The following TMEM209 variants were observed in gnomAD, a reference collection of about 807,000 sequenced individuals.
The protein encoded by TMEM209 is testicular tissue protein Li 202.
In TMEM209, 65 loss-of-function variants were observed where a neutral mutation model predicts 76.2. The observed-to-expected ratio is 0.85, with a 90% CI of 0.70 to 1.05. TMEM209 has a LOEUF of 1.05. TMEM209 is among the 50% of genes least tolerant of loss of function. The pLI is 0.00. For synonymous variants in TMEM209, 239 were observed against 237.6 expected, an observed-to-expected ratio of 1.01 and a Z score of -0.06; for missense variants, 623 against 685.5, an observed-to-expected ratio of 0.91 and a Z score of 1.02.
At chr7:130,173,310 C>T (rs1449339101) in intron 13 of TMEM209, among the ~76,000 whole-genome samples, 1 of 152,116 alleles carries the variant, frequency 6.6e-6, no homozygotes, top group Non-Finnish European at 1.5e-5. Context: ...CCACTACACT[C>T]CAGCCTGGGT....
intron 9 of TMEM209, among the ~76,000 whole-genome samples, chr7:130,179,008 A>G (rs1426963253): frequency 6.6e-6 from 1 of 151,996 alleles, no homozygotes; most frequent in Non-Finnish European, 1.5e-5. Context: ...GGCTGGTCTC[A>G]AACTCCTGGG....
At chr7:130,190,336 G>C (rs979480945) in intron 6 of TMEM209, among the ~76,000 whole-genome samples, 1 of 152,012 alleles carries the variant, frequency 6.6e-6, no homozygotes, top group Non-Finnish European at 1.5e-5. Context: ...TGGCCAACAA[G>C]GGGAAACCCT....
Position 130,200,754 on chromosome 7 carries a change from A to G in TMEM209, c.573+1096T>C, listed in dbSNP as rs10239529. ...TTTCTCATAAAAATTTAACTTGTAC[A>G]AAATTTTCAAAATTCTATTACCTGC... On this transcript the variant is annotated intron_variant, in intron 5 of 14. Transcript: ENST00000397622. Among the ~76,000 whole-genome samples, 529 of 152,318 alleles carry G rather than the reference A, an allele frequency of 3.5e-3. 7 individuals are homozygous for G. Among genetic ancestry groups the G allele is most frequent in the African/African-American group, 0.012 (510 of 41,572 alleles).
At chr7:130,204,149 A>C in intron 1 of TMEM209, 39 bp from the exon 2 acceptor site, 1 of 1,575,688 alleles carries the variant, frequency 6.3e-7, no homozygotes, top group African/African-American at 1.4e-5. Context: ...AACCAGAAGA[A>C]ACTATTGCTC....
Position 130,166,335 on chromosome 7 carries a change from C to T in TMEM209, c.*116G>A. On this transcript the variant is annotated 3_prime_UTR_variant, in exon 15 of 15. Coordinates refer to ENST00000397622, the MANE Select transcript of TMEM209 (RefSeq NM_032842.4). ...ACATTTTCTGTTAAATCTAAAGAGT[C>T]TGTAACATACACCCATGTGTATTTT... is the stretch of plus-strand genomic sequence containing the variant. The T allele has an allele frequency of 1.4e-6, 1 of 703,204 alleles. No homozygotes were observed. Among genetic ancestry groups the T allele is most frequent in the African/African-American group, 1.9e-5 (1 of 53,978 alleles). 43.6% of individuals were successfully genotyped at this position (703,204 alleles called of 1,614,324 possible).
chr7:130,166,398 C>T lies in TMEM209; in HGVS notation c.*53G>A, dbSNP rs781114246. ...TCAGTGGCTCAGAGATGTTTAGTTT[C>T]GACTTCTGGTTCAGTGAAATAGTCT... is the stretch of plus-strand genomic sequence containing the variant. On this transcript the variant is annotated 3_prime_UTR_variant, in exon 15 of 15. Coordinates refer to ENST00000397622, the MANE Select transcript of TMEM209 (RefSeq NM_032842.4). 142 of 1,454,302 alleles carry T rather than the reference C, an allele frequency of 9.8e-5. No individual in the cohort carries two copies. The highest frequency in any genetic ancestry group is 1.2e-4 in the Non-Finnish European group (130 of 1,077,434). 90.1% of individuals were successfully genotyped at this position (1,454,302 alleles called of 1,614,324 possible).
chr7:130,186,564 A>G (rs1797604214), intron 6 of TMEM209, among the ~76,000 whole-genome samples: 2 of 152,250 alleles, frequency 1.3e-5, no homozygotes, highest in Admixed American at 1.3e-4. Context: ...CAGAGCATAA[A>G]GTTATCCTAT....
chr7:130,180,987 G>T (rs986591669), intron 9 of TMEM209, among the ~76,000 whole-genome samples: 3 of 152,078 alleles, frequency 2.0e-5, no homozygotes, highest in African/African-American at 7.2e-5. Context: ...GAAAACATAG[G>T]TCCAATATAA....
chr7:130,185,327 GA>G lies in TMEM209; in HGVS notation c.815del (p.Phe272SerfsTer15). On this transcript the variant is annotated frameshift_variant, in exon 7 of 15. Transcript: ENST00000397622. LOFTEE classifies it high-confidence loss of function. Reference protein sequence around the residue: ...DSTSPSSSPTFWNYSRSMGDY... With the variant: ...DSTSPSSSPTXWNYSRSMGDY... ...CCCCCATAGAACGACTATAGTTCCA[GA>G]AAGTAGGACTGCTGGAAGGAGAGGT... is the stretch of plus-strand genomic sequence containing the variant. The G allele has an allele frequency of 6.2e-7, 1 of 1,613,932 alleles. No homozygotes were observed.
In TMEM209 at chr7:130,204,032, C is replaced by G. The variant is rs1798324257; in HGVS notation, c.82G>C (p.Val28Leu). The G allele has an allele frequency of 6.2e-7, 1 of 1,613,470 alleles. No individual in the cohort carries two copies. The highest frequency in any genetic ancestry group is 8.5e-7 in the Non-Finnish European group (1 of 1,179,722). The change falls in exon 2 of 15, where the codon GTG becomes CTG. Residue 28 changes from valine to leucine, a missense_variant. Physicochemically the swap from Val to Leu is conservative, Grantham distance 32 (BLOSUM62 1). Transcript: ENST00000397622. ...TTTAGGAGTCCCCAGGCTAAGACCA[C>G]TTTCCTAGCCTCTGTTTCTTTTCTC... ...KMRKETEARK[V>L]VLAWGLLNVS...
intron 1 of TMEM209, among the ~76,000 whole-genome samples, chr7:130,204,466 C>G (rs895458428): frequency 6.6e-6 from 1 of 152,126 alleles, no homozygotes; most frequent in Non-Finnish European, 1.5e-5. Flanking sequence ...CTCAGACTCC[C>G]GAGTAGCTGG....
At chr7:130,182,224 G>A (rs1468863698) in intron 8 of TMEM209, among the ~76,000 whole-genome samples, 1 of 151,980 alleles carries the variant, frequency 6.6e-6, no homozygotes, top group African/African-American at 2.4e-5. Flanking sequence ...TTACAGGCGT[G>A]AGCCACTGCG....
intron 6 of TMEM209, among the ~76,000 whole-genome samples, chr7:130,186,263 A>G (rs964607175): frequency 4.6e-5 from 7 of 152,222 alleles, no homozygotes; most frequent in African/African-American, 1.7e-4. Flanking sequence ...TGACTAGAAA[A>G]TAATAAAACT....
In TMEM209 at chr7:130,173,901, T is replaced by C; in HGVS notation, c.1383A>G (p.Arg461=). The part of the protein sequence containing the change: ...MHVFCTYLDS[R]LPPHPKYPDG... ...CGGGATACTTCGGATGTGGAGGTAA[T>C]CTGGAATCAAGGTAGGTGCAAAATA... Residue 461 remains arginine, a synonymous_variant, in exon 12 of 15, where the codon AGA becomes AGG. Coordinates refer to ENST00000397622, the MANE Select transcript of TMEM209 (RefSeq NM_032842.4). 6.2e-7 allele frequency: 1 copy of C among 1,613,822 alleles called. No homozygotes were observed. The highest frequency in any genetic ancestry group is 1.1e-5 in the South Asian group (1 of 91,074).
intron 5 of TMEM209, among the ~76,000 whole-genome samples, chr7:130,196,919 C>T (rs999538913): frequency 2.6e-5 from 4 of 152,126 alleles, no homozygotes; most frequent in African/African-American, 9.7e-5. Context: ...TGTAAGATGG[C>T]ATAGTGGCTA....
chr7:130,191,861 C>T (rs1797807544), intron 6 of TMEM209, among the ~76,000 whole-genome samples: 6 of 151,942 alleles, frequency 3.9e-5, no homozygotes, highest in Admixed American at 3.9e-4. Flanking sequence ...TTTCAAAAAG[C>T]ATGTATCAAA....
chr7:130,173,602 T>C, intron 13 of TMEM209, 30 bp downstream of exon 13: 1 of 1,514,734 alleles, frequency 6.6e-7, no homozygotes, highest in Non-Finnish European at 9.1e-7. Context: ...CAAGACATTC[T>C]GTAACAGCAT....
intron 6 of TMEM209, among the ~76,000 whole-genome samples, chr7:130,188,595 CAAAAAAA>C (rs10649977): frequency 0.029 from 2,087 of 72,638 alleles, 25 homozygotes; most frequent in African/African-American, 0.091. Flanking sequence ...GACTCCGTAT[CAAAAAAA>C]AAAAAAAAAA....
chr7:130,198,498 C>T (rs2117028055), intron 5 of TMEM209, among the ~76,000 whole-genome samples: 1 of 152,138 alleles, frequency 6.6e-6, no homozygotes, highest in African/African-American at 2.4e-5. Context: ...ATAATCATAG[C>T]TGCTCAGGAG....
Sources: allele counts gnomAD v4.1 joint callset (sites outside exome capture counted in the v4.1 genomes callset), GRCh38; gene constraint gnomAD v4.1.1; transcripts MANE v1.5; gene names NCBI Gene and HGNC (gene_info 2026-07-23, HGNC 2026-07-21).